NCOA2: variants seen among roughly 807,000 people sequenced by gnomAD.
The protein encoded by NCOA2 is nuclear receptor coactivator 2.
Under a neutral mutation model 145.1 loss-of-function variants are expected in NCOA2, and 21 were observed. The ratio of observed to expected loss-of-function variants is 0.14; its 90% CI spans 0.10 to 0.21. The LOEUF is 0.21. NCOA2 is among the 10% of genes least tolerant of loss of function. NCOA2 has a pLI of 1.00. For missense variants in NCOA2, 1,472 were observed against 1,837.6 expected, an observed-to-expected ratio of 0.80 and a Z score of 3.64; for synonymous variants, 619 against 637.5, an observed-to-expected ratio of 0.97 and a Z score of 0.44.
chr8:70,220,844 G>A (rs951009078), intron 2 of NCOA2, among the ~76,000 whole-genome samples: 1 of 152,110 alleles, frequency 6.6e-6, no homozygotes, highest in African/African-American at 2.4e-5. Context: ...TTGTAAAACT[G>A]CCAGATGCAT....
intron 1 of NCOA2, among the ~76,000 whole-genome samples, chr8:70,367,619 C>G (rs967187066): frequency 2.0e-5 from 3 of 152,132 alleles, no homozygotes; most frequent in Non-Finnish European, 1.5e-5. Context: ...AATGTTTGAT[C>G]ATCAGTTTCC....
rs112251691 is a variant in NCOA2, at chr8:70,119,984, C to T, written c.4383+1318G>A. On this transcript the variant is annotated intron_variant, in intron 22 of 22. Coordinates refer to ENST00000452400, the MANE Select transcript of NCOA2 (RefSeq NM_006540.4). ...TCCAAAGTATAAGTGATTCTCCCAC[C>T]TCAGCCTCCCAAGTAGTTGGGACTA... Among the ~76,000 whole-genome samples, 647 of 152,142 alleles carry T rather than the reference C, an allele frequency of 4.3e-3. 6 individuals carry two copies. Among genetic ancestry groups the T allele is most frequent in the African/African-American group, 0.015 (617 of 41,502 alleles).
intron 1 of NCOA2, among the ~76,000 whole-genome samples, chr8:70,386,174 CT>C (rs1168530985): frequency 2.6e-5 from 4 of 152,200 alleles, no homozygotes. Flanking sequence ...TCAAAAGTCA[CT>C]TGAAAACTCT....
chr8:70,372,331 A>C (rs1811294139), intron 1 of NCOA2, among the ~76,000 whole-genome samples: 1 of 152,082 alleles, frequency 6.6e-6, no homozygotes, highest in African/African-American at 2.4e-5. Flanking sequence ...AAGGAATATA[A>C]CTCTTAGTAC....
chr8:70,258,434 C>A (rs1823836275), intron 2 of NCOA2, among the ~76,000 whole-genome samples: 1 of 152,198 alleles, frequency 6.6e-6, no homozygotes, highest in African/African-American at 2.4e-5. Flanking sequence ...GAACTCCTCA[C>A]CTTTCTGAGG....
intron 1 of NCOA2, among the ~76,000 whole-genome samples, chr8:70,351,062 C>T (rs1586569605): frequency 6.6e-6 from 1 of 152,174 alleles, no homozygotes; most frequent in African/African-American, 2.4e-5. Context: ...TGTAAGTACC[C>T]ATTGTTGCAA....
upstream of NCOA2, among the ~76,000 whole-genome samples, chr8:70,404,166 CAG>C (rs928725510): frequency 1.1e-4 from 17 of 152,156 alleles, no homozygotes; most frequent in Middle Eastern, 3.2e-3. Context: ...AGTAAGGGGA[CAG>C]GGGACAAAAT....
At chr8:70,345,870 G>A (rs1010843080) in intron 1 of NCOA2, among the ~76,000 whole-genome samples, 1 of 152,056 alleles carries the variant, frequency 6.6e-6, no homozygotes, top group Non-Finnish European at 1.5e-5. Context: ...TAGAACCAGG[G>A]TCCCATGTCC....
chr8:70,215,317 A>AGT lies in NCOA2; in HGVS notation c.87-1243_87-1242insAC, dbSNP rs1819491402. On this transcript the variant is annotated intron_variant, in intron 3 of 22. Coordinates refer to ENST00000452400, the MANE Select transcript of NCOA2 (RefSeq NM_006540.4). Reference sequence around the variant, plus strand: ...GGGAGTTGTGTTCAAAAGACCCCTGAGCGCCCCAGAGGGAGGGCTCAGAGA... The same window carrying AGT: ...GGGAGTTGTGTTCAAAAGACCCCTGAGTGCGCCCCAGAGGGAGGGCTCAGAGA... 3.9e-5 allele frequency among the ~76,000 whole-genome samples: 6 copies of AGT among 152,276 alleles called. No individual in the cohort carries two copies. In the South Asian group the frequency reaches 1.2e-3, roughly 32 times the overall value.
the NCOA2 span, among the ~76,000 whole-genome samples, chr8:70,433,895 T>C: frequency 6.6e-6 from 1 of 152,138 alleles, no homozygotes. Context: ...TTTATGTAAT[T>C]TGGGGGACTT....
chr8:70,189,567 G>GCAT (rs1816459237), intron 4 of NCOA2, among the ~76,000 whole-genome samples: 1 of 152,112 alleles, frequency 6.6e-6, no homozygotes, highest in African/African-American at 2.4e-5. Context: ...CTGTACAGCA[G>GCAT]CAACTTCAAG....
At chr8:70,148,810 A>C (rs1811405337) in intron 11 of NCOA2, among the ~76,000 whole-genome samples, 1 of 152,232 alleles carries the variant, frequency 6.6e-6, no homozygotes, top group African/African-American at 2.4e-5. Flanking sequence ...ATTAATTATA[A>C]GAATATATAT....
intron 4 of NCOA2, among the ~76,000 whole-genome samples, chr8:70,178,168 G>A (rs936969683): frequency 6.6e-6 from 1 of 152,188 alleles, no homozygotes; most frequent in Non-Finnish European, 1.5e-5. Context: ...TTCTAGCAAT[G>A]TGCTCAGGCA....
intron 2 of NCOA2, among the ~76,000 whole-genome samples, chr8:70,225,548 C>CAA (rs796106958): frequency 1.7e-4 from 14 of 83,074 alleles, no homozygotes; most frequent in African/African-American, 4.2e-4. Flanking sequence ...GACTCTGTCT[C>CAA]AAAAAAAAAA....
intron 5 of NCOA2, among the ~76,000 whole-genome samples, chr8:70,173,643 A>G (rs1220610183): frequency 1.3e-5 from 2 of 152,154 alleles, no homozygotes; most frequent in Non-Finnish European, 1.5e-5. Flanking sequence ...TAGAGGAGAT[A>G]AGCAAGGGCC....
intron 1 of NCOA2, among the ~76,000 whole-genome samples, chr8:70,368,675 A>G (rs1429510696): frequency 2.0e-5 from 3 of 152,220 alleles, no homozygotes; most frequent in Non-Finnish European, 4.4e-5. Flanking sequence ...AACAAACTGT[A>G]TTTATATAAA....
At chr8:70,225,089 A>G (rs1820498520) in intron 2 of NCOA2, among the ~76,000 whole-genome samples, 1 of 152,230 alleles carries the variant, frequency 6.6e-6, no homozygotes, top group South Asian at 2.1e-4. Flanking sequence ...ATATTAGTGA[A>G]TACCTATTAT....
At chr8:70,316,585 G>GACCAA (rs139617736) in intron 1 of NCOA2, among the ~76,000 whole-genome samples, 4,020 of 152,218 alleles carry the variant, frequency 0.026, 166 homozygotes, top group African/African-American at 0.092. Context: ...CAACAGACCA[G>GACCAA]ACCAAACCAA....
chr8:70,451,237 A>AAAAATAT, the NCOA2 span, among the ~76,000 whole-genome samples: 1 of 69,526 alleles, frequency 1.4e-5, no homozygotes, highest in African/African-American at 7.6e-5. Flanking sequence ...AAAAAAAAAA[A>AAAAATAT]ATATATATAT....
Sources: gnomAD v4.1 joint callset for allele counts (sites outside exome capture counted in the v4.1 genomes callset) on GRCh38, gnomAD v4.1.1 for gene constraint, MANE v1.5 for transcripts, NCBI Gene and HGNC (gene_info 2026-07-23, HGNC 2026-07-21) for gene names.